Variants in LDHC observed in about 807,000 individuals in gnomAD.
LDHC encodes the protein lactate dehydrogenase C, also known as L-lactate dehydrogenase C chain.
In LDHC, 20 loss-of-function variants were observed where a neutral mutation model predicts 30.2. That is an observed-to-expected ratio of 0.66 (90% CI 0.47 to 0.96). LDHC has a LOEUF of 0.96. Ranked by LOEUF, LDHC falls within the 40% of genes least tolerant of loss-of-function variation. The pLI, the probability that LDHC is intolerant of heterozygous loss-of-function variation, is 0.00. For synonymous variants in LDHC, 139 were observed against 132.7 expected (o/e 1.05, Z -0.32); for missense variants, 362 against 394.9 (o/e 0.92, Z 0.71).
At chr11:18,439,823 A>AAAC (rs1554964753) in intron 6 of LDHC, among the ~76,000 whole-genome samples, 15 of 143,632 alleles carry the variant, frequency 1.0e-4, no homozygotes, top group Non-Finnish European at 1.5e-4. Context: ...AAAAAAAAAA[A>AAAC]AAAAAAAAAA....
intron 6 of LDHC, among the ~76,000 whole-genome samples, chr11:18,440,170 C>T (rs1226314732): frequency 1.9e-4 from 28 of 145,904 alleles, no homozygotes; most frequent in African/African-American, 6.2e-4. Flanking sequence ...AAAAATTAGC[C>T]GGGTGTGGTG....
intron 3 of LDHC, among the ~76,000 whole-genome samples, chr11:18,421,350 T>G (rs889120824): frequency 1.3e-5 from 2 of 152,038 alleles, no homozygotes; most frequent in African/African-American, 4.8e-5. Context: ...CCACCATGGC[T>G]GGCCTCAAAT....
chr11:18,436,071 C>T (rs1156999393), intron 5 of LDHC, among the ~76,000 whole-genome samples: 1 of 152,106 alleles, frequency 6.6e-6, no homozygotes, highest in Non-Finnish European at 1.5e-5. Context: ...GTGCCCTTTT[C>T]TTTATAATCC....
intron 3 of LDHC, among the ~76,000 whole-genome samples, chr11:18,427,018 G>A (rs1041778191): frequency 6.6e-6 from 1 of 152,140 alleles, no homozygotes; most frequent in Non-Finnish European, 1.5e-5. Context: ...AGTACTTAAT[G>A]TATATTAACT....
chr11:18,418,647 G>C (rs570519270), intron 3 of LDHC, among the ~76,000 whole-genome samples: 13 of 151,942 alleles, frequency 8.6e-5, no homozygotes, highest in African/African-American at 2.9e-4. Context: ...GGCTGGTCTC[G>C]AATGCCTGAC....
chr11:18,446,299 T>G lies in LDHC; in HGVS notation c.800T>G (p.Leu267Arg), dbSNP rs758630371. Reference protein sequence around the residue: ...MDLVGSILKNLRRVHPVSTMV... With the variant: ...MDLVGSILKNRRRVHPVSTMV... ...TTGGTAGGATCCATTTTGAAAAATC[T>G]TAGGAGAGTGCACCCAGTTTCCACC... Residue 267 changes from leucine (L) to arginine (R), a missense_variant, in exon 7 of 8, where the codon CTT (leucine) becomes CGT (arginine). Transcript: ENST00000541669. 2 of 1,608,000 alleles carry G rather than the reference T, an allele frequency of 1.2e-6. No homozygotes were observed. The highest frequency in any genetic ancestry group is 3.3e-5 in the Admixed American group (2 of 59,998).
At chr11:18,420,621 C>A (rs1867104395) in intron 3 of LDHC, among the ~76,000 whole-genome samples, 1 of 118,066 alleles carries the variant, frequency 8.5e-6, no homozygotes. Context: ...GCCTGGGCAG[C>A]ATAGTGAAAT....
At chr11:18,427,595 G>A (rs527961005) in intron 3 of LDHC, among the ~76,000 whole-genome samples, 22 of 151,748 alleles carry the variant, frequency 1.4e-4, no homozygotes, top group African/African-American at 5.3e-4. Context: ...GTAAGGAAAT[G>A]ATGGCATTAA....
rs11558333 is a variant in LDHC, at chr11:18,429,781, G to A, written c.289G>A (p.Gly97Ser). 33 of 1,612,330 alleles carry A rather than the reference G, an allele frequency of 2.0e-5. No homozygotes were observed. Among genetic ancestry groups the A allele is most frequent in the Non-Finnish European group, 2.5e-5 (29 of 1,178,882 alleles). Residue 97 changes from glycine (G) to serine (S), a missense_variant, in exon 4 of 8, where the codon GGT (glycine) becomes AGT (serine). Physicochemically the swap from Gly to Ser is moderately conservative, Grantham distance 56. Transcript: ENST00000541669. Reference protein sequence around the residue: ...ANSRIVIVTAGARQQEGETRL... With the variant: ...ANSRIVIVTASARQQEGETRL... ...CTCCAGAATAGTTATTGTCACAGCA[G>A]GTGCAAGGCAGCAGGAGGGAGAAAC...
intron 6 of LDHC, among the ~76,000 whole-genome samples, chr11:18,443,535 C>T (rs1848502489): frequency 6.7e-6 from 1 of 148,582 alleles, no homozygotes; most frequent in Non-Finnish European, 1.5e-5. Flanking sequence ...TCTTGGCTTA[C>T]TGCAACCTCT....
chr11:18,427,864 A>T (rs1848189999), intron 3 of LDHC, among the ~76,000 whole-genome samples: 1 of 151,960 alleles, frequency 6.6e-6, no homozygotes, highest in African/African-American at 2.4e-5. Flanking sequence ...TTTAGTAGAG[A>T]TGGGGTTTCA....
chr11:18,434,387 T>C (rs1848321075), intron 4 of LDHC, among the ~76,000 whole-genome samples: 2 of 152,138 alleles, frequency 1.3e-5, no homozygotes, highest in Admixed American at 1.3e-4. Context: ...TGACGAGCCT[T>C]CTTTTGTTAT....
chr11:18,429,663 T>C (rs755960579), intron 3 of LDHC, 74 bp from the exon 4 acceptor site: 81 of 792,328 alleles, frequency 1.0e-4, no homozygotes, highest in Non-Finnish European at 1.6e-4. Context: ...GAACATACAA[T>C]AGAGTTTTAA....
At chr11:18,414,363 A>G (rs1590221874) in intron 2 of LDHC, among the ~76,000 whole-genome samples, 1 of 152,214 alleles carries the variant, frequency 6.6e-6, no homozygotes, top group African/African-American at 2.4e-5. Context: ...GCACTGAAAC[A>G]TATGGAATGG....
intron 3 of LDHC, among the ~76,000 whole-genome samples, chr11:18,428,575 T>A (rs1336665788): frequency 6.6e-6 from 1 of 152,154 alleles, no homozygotes; most frequent in East Asian, 1.9e-4. Context: ...TAGTGCTTTT[T>A]AAAAAAGTCC....
intron 7 of LDHC, among the ~76,000 whole-genome samples, chr11:18,449,769 T>C (rs1848623016): frequency 6.6e-6 from 1 of 152,190 alleles, no homozygotes; most frequent in Non-Finnish European, 1.5e-5. Flanking sequence ...GGGGCACACC[T>C]TGTGCTCCTG....
Position 18,451,023 on chromosome 11 carries a change from G to C in LDHC, c.895G>C (p.Gly299Arg). Reference protein sequence around the residue: ...LSIPCVLGRNGVSDVVKINLN... With the variant: ...LSIPCVLGRNRVSDVVKINLN... ...TATCCCTTGTGTCTTGGGGCGGAAT[G>C]GTGTCTCAGATGTTGTGAAAATTAA... The change falls in exon 8 of 8, where the codon GGT becomes CGT. Residue 299 changes from glycine to arginine, a missense_variant. Physicochemically the swap from Gly to Arg is moderately radical, Grantham distance 125. Coordinates refer to ENST00000541669, the MANE Select transcript of LDHC (RefSeq NM_017448.5). 6.3e-7 allele frequency: 1 copy of C among 1,595,726 alleles called. No individual in the cohort carries two copies. The highest frequency in any genetic ancestry group is 8.5e-7 in the Non-Finnish European group (1 of 1,173,158).
In LDHC at chr11:18,429,892, CTTG is replaced by C. The variant is rs565756059; in HGVS notation, c.406_408del (p.Val136del). 75 of 1,606,286 alleles carry C rather than the reference CTTG, an allele frequency of 4.7e-5. No homozygotes were observed. Among genetic ancestry groups the C allele is most frequent in the Non-Finnish European group, 6.1e-5 (72 of 1,173,940 alleles). On this transcript the variant is annotated inframe_deletion, in exon 4 of 8. Coordinates refer to ENST00000541669, the MANE Select transcript of LDHC (RefSeq NM_017448.5). ...CCATTATAGTCCTGATTGTAAAATT[CTTG>C]TTGTTTCAAATCCAGGTGAGTCTTC... is the stretch of plus-strand genomic sequence containing the variant.
At chr11:18,424,776 G>C (rs1848131262) in intron 3 of LDHC, among the ~76,000 whole-genome samples, 1 of 152,220 alleles carries the variant, frequency 6.6e-6, no homozygotes. Flanking sequence ...GGGAGGCCGA[G>C]GTGGGCGGAT....
Sources: gnomAD v4.1 joint callset for allele counts (sites outside exome capture counted in the v4.1 genomes callset) on GRCh38, gnomAD v4.1.1 for gene constraint, MANE v1.5 for transcripts, NCBI Gene and HGNC (gene_info 2026-07-23, HGNC 2026-07-21) for gene names.